ATP13A4: variants seen among roughly 807,000 people sequenced by gnomAD.
ATP13A4 encodes ATPase 13A4.
Under a neutral mutation model 142.5 loss-of-function variants are expected in ATP13A4, and 114 were observed. That is an observed-to-expected ratio of 0.80 (90% CI 0.69 to 0.93). The LOEUF (loss-of-function observed/expected upper bound fraction) is 0.93. Ranked by LOEUF, ATP13A4 falls within the 40% of genes least tolerant of loss-of-function variation. The probability of loss-of-function intolerance (pLI) is 0.00; values close to 1 mark genes in which losing one functional copy is unlikely to be tolerated. For missense variants in ATP13A4, 1,392 were observed against 1,454.0 expected (o/e 0.96, Z 0.69); for synonymous variants, 488 against 514.8 (o/e 0.95, Z 0.70).
intron 25 of ATP13A4, among the ~76,000 whole-genome samples, chr3:193,428,089 T>C (rs1200027778): frequency 1.3e-5 from 2 of 151,642 alleles, no homozygotes; most frequent in East Asian, 3.9e-4. Flanking sequence ...CAAACAAATT[T>C]ACAAGAAAAA....
intron 2 of ATP13A4, among the ~76,000 whole-genome samples, chr3:193,509,108 C>T (rs1721010103): frequency 1.3e-5 from 2 of 152,120 alleles, no homozygotes; most frequent in Non-Finnish European, 2.9e-5. Context: ...TAGAGAAAGT[C>T]TTAGGTTTAA....
chr3:193,451,795 C>T (rs902003212), intron 17 of ATP13A4, among the ~76,000 whole-genome samples: 2 of 152,092 alleles, frequency 1.3e-5, no homozygotes, highest in African/African-American at 4.8e-5. Flanking sequence ...TGAGTAACCA[C>T]ACAGAAAAAA....
chr3:193,491,733 A>G, intron 5 of ATP13A4, among the ~76,000 whole-genome samples: 1 of 152,122 alleles, frequency 6.6e-6, no homozygotes, highest in South Asian at 2.1e-4. Flanking sequence ...TCTCTCCTCA[A>G]TTCCGGTTTT....
intron 7 of ATP13A4, among the ~76,000 whole-genome samples, chr3:193,486,514 G>C (rs1389620267): frequency 6.6e-6 from 1 of 152,172 alleles, no homozygotes; most frequent in Non-Finnish European, 1.5e-5. Flanking sequence ...AAGTTTCAAG[G>C]TTGGCAACCA....
At chr3:193,542,178 A>G (rs745547402) in intron 1 of ATP13A4, among the ~76,000 whole-genome samples, 3 of 152,196 alleles carry the variant, frequency 2.0e-5, no homozygotes, top group Non-Finnish European at 4.4e-5. Flanking sequence ...CCTATACACC[A>G]ACACTAGACT....
intron 1 of ATP13A4, among the ~76,000 whole-genome samples, chr3:193,544,721 C>A (rs1340880948): frequency 1.3e-5 from 2 of 152,138 alleles, no homozygotes; most frequent in African/African-American, 4.8e-5. Context: ...TTGTTTCTCA[C>A]AAGTTCAAAA....
At chr3:193,474,671 A>G (rs888255845) in intron 8 of ATP13A4, among the ~76,000 whole-genome samples, 2 of 149,146 alleles carry the variant, frequency 1.3e-5, no homozygotes, top group African/African-American at 4.9e-5. Context: ...AAGAAAGAAA[A>G]AGAAAGAAAA....
At chr3:193,591,632 C>T (rs1724790279) in intron 1 of ATP13A4, among the ~76,000 whole-genome samples, 1 of 152,186 alleles carries the variant, frequency 6.6e-6, no homozygotes, top group African/African-American at 2.4e-5. Flanking sequence ...CATCATCATG[C>T]ATACATCTTT....
Position 193,491,343 on chromosome 3 carries a change from G to A in ATP13A4, c.589C>T (p.Leu197=). 1 of 1,601,066 alleles carries A rather than the reference G, an allele frequency of 6.2e-7. No individual in the cohort carries two copies. Among genetic ancestry groups the A allele is most frequent in the Non-Finnish European group, 8.6e-7 (1 of 1,168,544 alleles). ...IDVEVTPIWK[L]LIKEVLNPFY... is the part of the protein sequence containing the mutation. Reference sequence around the variant, plus strand: ...GGAGAAATTACCTCCTTGATGAGCAGTTTCCAAATTGGTGTAACTTCAACA... The same window carrying A: ...GGAGAAATTACCTCCTTGATGAGCAATTTCCAAATTGGTGTAACTTCAACA... Residue 197 remains leucine (L), a synonymous_variant, in exon 6 of 30, where the codon CTG becomes TTG. Transcript: ENST00000342695.
intron 9 of ATP13A4, among the ~76,000 whole-genome samples, chr3:193,470,066 G>C (rs1718530826): frequency 6.6e-6 from 1 of 152,170 alleles, no homozygotes; most frequent in African/African-American, 2.4e-5. Context: ...AAATGGATTT[G>C]ATCTGAACTT....
intron 9 of ATP13A4, among the ~76,000 whole-genome samples, chr3:193,469,267 T>C (rs559456486): frequency 2.0e-5 from 3 of 152,240 alleles, no homozygotes; most frequent in South Asian, 2.1e-4. Flanking sequence ...ATAGAGAAGA[T>C]AGTTTTCAGA....
chr3:193,576,694 G>A (rs1325131149), intron 2 of ATP13A4, among the ~76,000 whole-genome samples: 3 of 152,158 alleles, frequency 2.0e-5, no homozygotes, highest in African/African-American at 7.2e-5. Flanking sequence ...AACTAACTCT[G>A]GGGAAATTGA....
chr3:193,579,939 C>A (rs1724497616), intron 2 of ATP13A4, among the ~76,000 whole-genome samples: 1 of 152,176 alleles, frequency 6.6e-6, no homozygotes, highest in Non-Finnish European at 1.5e-5. Context: ...TACAGAAGGA[C>A]ATGCCTAAAA....
In ATP13A4 at chr3:193,543,279, A is replaced by G. The variant is rs1204849204; in HGVS notation, c.60+11461T>C. Among the ~76,000 whole-genome samples the G allele has an allele frequency of 2.6e-5, 4 of 152,242 alleles. 1 individual carries two copies. The highest frequency in any genetic ancestry group is 5.9e-5 in the Non-Finnish European group (4 of 68,042). On this transcript the variant is annotated intron_variant, in intron 1 of 29. Coordinates refer to ENST00000342695, the MANE Select transcript of ATP13A4 (RefSeq NM_032279.4). ...GCAATTGCAACAAAAGCAAAAATTC[A>G]TAAATGGGATCTAATTAAGCTAAAG...
At chr3:193,435,473 G>A (rs1716212841) in intron 24 of ATP13A4, among the ~76,000 whole-genome samples, 175 bp downstream of exon 24, 1 of 152,094 alleles carries the variant, frequency 6.6e-6, no homozygotes, top group African/African-American at 2.4e-5. Context: ...AACTTTTCCT[G>A]TACAAATCTG....
intron 1 of ATP13A4, among the ~76,000 whole-genome samples, chr3:193,519,277 G>A (rs1721586870): frequency 1.3e-5 from 2 of 152,212 alleles, no homozygotes; most frequent in Non-Finnish European, 2.9e-5. Flanking sequence ...GGTAATGGTT[G>A]CAATGCAGCC....
intron 2 of ATP13A4, among the ~76,000 whole-genome samples, chr3:193,573,289 A>ATT (rs1491375782): frequency 0.015 from 1,179 of 80,986 alleles, 53 homozygotes; most frequent in African/African-American, 0.04. Context: ...ATATATATAT[A>ATT]CACATATATA....
In ATP13A4 at chr3:193,489,734, C is replaced by T; in HGVS notation, c.734G>A (p.Arg245Lys). ...ISISLTVYDL[R>K]EQSVKLHHLV... ...AGAATTAATAGAAAAACTCACCTCTCTGAGATCATATACTGTCAAAGATAT... is the reference window on the plus strand; with the variant it reads ...AGAATTAATAGAAAAACTCACCTCTTTGAGATCATATACTGTCAAAGATAT... Residue 245 changes from arginine (R) to lysine (K), a missense_variant, in exon 7 of 30, where the codon AGA becomes AAA. Physicochemically the swap from Arg to Lys is conservative, Grantham distance 26 (BLOSUM62 2). Transcript: ENST00000342695. The T allele has an allele frequency of 6.2e-7, 1 of 1,608,486 alleles. No homozygotes were observed. The highest frequency in any genetic ancestry group is 8.5e-7 in the Non-Finnish European group (1 of 1,175,094).
At chr3:193,533,583 A>G (rs1722437570) in intron 1 of ATP13A4, among the ~76,000 whole-genome samples, 1 of 152,182 alleles carries the variant, frequency 6.6e-6, no homozygotes, top group Admixed American at 6.5e-5. Flanking sequence ...AAAGAAACCA[A>G]ACACCACAAA....
Sources: gnomAD v4.1 joint callset for allele counts (sites outside exome capture counted in the v4.1 genomes callset) on GRCh38, gnomAD v4.1.1 for gene constraint, MANE v1.5 for transcripts, NCBI Gene and HGNC (gene_info 2026-07-23, HGNC 2026-07-21) for gene names.